Variants in NPRL3 observed in about 807,000 individuals in gnomAD.
NPRL3 encodes the protein GATOR1 complex protein NPRL3.
In NPRL3, 23 loss-of-function variants were observed where a neutral mutation model predicts 57.2. That is an observed-to-expected ratio of 0.40 (90% CI 0.29 to 0.57). NPRL3 has a LOEUF of 0.57. Ranked by LOEUF, NPRL3 falls within the 20% of genes least tolerant of loss-of-function variation. The probability of loss-of-function intolerance (pLI) is 0.42; values close to 1 mark genes in which losing one functional copy is unlikely to be tolerated. For missense variants in NPRL3, 691 were observed against 767.1 expected (o/e 0.90, Z 1.17); for synonymous variants, 333 against 321.1 (o/e 1.04, Z -0.39).
intron 3 of NPRL3, among the ~76,000 whole-genome samples, chr16:121,521 G>A (rs1416804359): frequency 1.3e-5 from 2 of 151,982 alleles, no homozygotes; most frequent in African/African-American, 4.8e-5. Flanking sequence ...TCGGGAGGCT[G>A]AGGCAGGAGA....
At position 89,727 on chromosome 16, in the gene NPRL3, C is replaced by G; in HGVS notation, c.1337G>C (p.Ser446Thr). 6.3e-7 allele frequency: 1 copy of G among 1,582,224 alleles called. No individual in the cohort carries two copies. Among genetic ancestry groups the G allele is most frequent in the Non-Finnish European group, 8.6e-7 (1 of 1,168,932 alleles). The change falls in exon 12 of 14, where the codon AGC (serine) becomes ACC (threonine). Residue 446 changes from serine (S) to threonine (T), a missense_variant. Physicochemically the swap from Ser to Thr is moderately conservative, Grantham distance 58. Coordinates refer to ENST00000611875, the MANE Select transcript of NPRL3 (RefSeq NM_001077350.3). Reference sequence around the variant, plus strand: ...GGGGGTCCTACTTGGGGAGCCAAAGCTGAGGGCGTTGGGCGTGCTGAGGCT... The same window carrying G: ...GGGGGTCCTACTTGGGGAGCCAAAGGTGAGGGCGTTGGGCGTGCTGAGGCT... Reference protein sequence around the residue: ...GRSLSTPNALSFGSPTSSDDM... With the variant: ...GRSLSTPNALTFGSPTSSDDM...
chr16:94,410 A>G (rs1325167063), intron 9 of NPRL3, among the ~76,000 whole-genome samples: 5 of 152,198 alleles, frequency 3.3e-5, no homozygotes, highest in Non-Finnish European at 7.3e-5. Flanking sequence ...CTGCCTGGAC[A>G]CCGTGCTGCC....
chr16:95,323 GTGTATATA>G lies in NPRL3; in HGVS notation c.925-2006_925-1999del, dbSNP rs1320134534. Among the ~76,000 whole-genome samples, 251 of 32,882 alleles carry G rather than the reference GTGTATATA, an allele frequency of 7.6e-3. 5 individuals carry two copies. Among genetic ancestry groups the G allele is most frequent in the African/African-American group, 0.014 (238 of 17,196 alleles). 21.6% of individuals were successfully genotyped at this position (32,882 alleles called of 152,430 possible). Reference sequence around the variant, plus strand: ...ATAATACAAAATAAAATGTTTGTGTGTGTATATATATATATATATATATATATACACAC... The same window carrying G: ...ATAATACAAAATAAAATGTTTGTGTGTATATATATATATATATATACACAC... On this transcript the variant is annotated intron_variant, in intron 9 of 13. Coordinates refer to ENST00000611875, the MANE Select transcript of NPRL3 (RefSeq NM_001077350.3).
chr16:116,454 C>A (rs1393376700), intron 5 of NPRL3, among the ~76,000 whole-genome samples: 1 of 152,152 alleles, frequency 6.6e-6, no homozygotes, highest in Admixed American at 6.5e-5. Context: ...AACCCTGTAC[C>A]CCAGGAGCCA....
chr16:92,772 G>C, intron 10 of NPRL3, 47 bp from the exon 11 acceptor site: 1 of 1,604,828 alleles, frequency 6.2e-7, no homozygotes. Context: ...CCCCCCCACC[G>C]TGTTCTCAAC....
chr16:98,038 GCT>G lies in NPRL3; in HGVS notation c.924+105_924+106del, dbSNP rs540418936. ...CCACCCCATGGTGGGCTGTGCCGCG[GCT>G]CTCAGCTGGACACAGCCCCTGTGGA... On this transcript the variant is annotated intron_variant, in intron 9 of 13. Transcript: ENST00000611875. The G allele has an allele frequency of 1.1e-4, 158 of 1,385,886 alleles. No individual in the cohort carries two copies. The East Asian group carries it at 3.0e-3, about 26-fold the overall frequency. The allele number at this position is 1,385,886 out of a possible 1,614,324, so 85.8% of individuals were successfully genotyped here.
At chr16:134,688 A>ATTT (rs754866010) in intron 2 of NPRL3, among the ~76,000 whole-genome samples, 18 of 101,864 alleles carry the variant, frequency 1.8e-4, no homozygotes, top group African/African-American at 5.9e-4. Context: ...CACAGTAATT[A>ATTT]TTATTATTTT....
Position 119,345 on chromosome 16 carries a change from A to C in NPRL3, c.189-90T>G. ...GGCCCCAGAGCGGAAGGGTCTCAGT[A>C]AACTGCACCTTCATGGAGTTGCTCT... is the stretch of plus-strand genomic sequence containing the variant. On this transcript the variant is annotated intron_variant, in intron 3 of 13. Coordinates refer to ENST00000611875, the MANE Select transcript of NPRL3 (RefSeq NM_001077350.3). The C allele has an allele frequency of 2.3e-6, 3 of 1,302,408 alleles. No individual in the cohort carries two copies. In the Admixed American group the frequency reaches 6.1e-5, roughly 27 times the overall value. 80.7% of individuals were successfully genotyped at this position (1,302,408 alleles called of 1,614,324 possible). A position where few individuals can be genotyped will look rare whatever the true frequency, so the allele number is the denominator to read the frequency against.
At chr16:96,506 C>T (rs1899012153) in intron 9 of NPRL3, among the ~76,000 whole-genome samples, 1 of 151,920 alleles carries the variant, frequency 6.6e-6, no homozygotes, top group Non-Finnish European at 1.5e-5. Flanking sequence ...GAGTCCTGTC[C>T]AGCCCATGAA....
At chr16:117,863 A>G (rs1282885738) in intron 4 of NPRL3, among the ~76,000 whole-genome samples, 1 of 152,238 alleles carries the variant, frequency 6.6e-6, no homozygotes, top group African/African-American at 2.4e-5. Context: ...CTTCACAAGG[A>G]CCAGGGCGCT....
intron 5 of NPRL3, among the ~76,000 whole-genome samples, chr16:116,122 A>G (rs1397052027): frequency 6.6e-6 from 1 of 152,056 alleles, no homozygotes; most frequent in African/African-American, 2.4e-5. Flanking sequence ...GCCTGCCTAC[A>G]GCATCCTGGA....
At chr16:137,262 G>A (rs1901140175) in intron 2 of NPRL3, among the ~76,000 whole-genome samples, 1 of 152,116 alleles carries the variant, frequency 6.6e-6, no homozygotes, top group Non-Finnish European at 1.5e-5. Context: ...CATTCATGAT[G>A]ATGAAAAATC....
intron 8 of NPRL3, among the ~76,000 whole-genome samples, chr16:98,612 G>A (rs778691121): frequency 1.5e-4 from 23 of 152,354 alleles, no homozygotes; most frequent in Non-Finnish European, 2.6e-4. Context: ...CCAAGAGCGG[G>A]ATTTGAGAAA....
chr16:119,344 T>A, intron 3 of NPRL3, 89 bp from the exon 4 acceptor site: 1 of 1,313,340 alleles, frequency 7.6e-7, no homozygotes, highest in Non-Finnish European at 1.1e-6. Flanking sequence ...AGGGTCTCAG[T>A]AAACTGCACC....
chr16:111,768 C>T (rs181913466), intron 6 of NPRL3, among the ~76,000 whole-genome samples: 167 of 152,238 alleles, frequency 1.1e-3, no homozygotes, highest in African/African-American at 2.4e-3. Context: ...TAAATTTGTA[C>T]TGAAAATGCA....
chr16:132,543 G>A (rs958149483), intron 2 of NPRL3, among the ~76,000 whole-genome samples: 8 of 152,142 alleles, frequency 5.3e-5, no homozygotes, highest in African/African-American at 1.9e-4. Context: ...ATTTTGACAT[G>A]ATCACCAATG....
intron 2 of NPRL3, among the ~76,000 whole-genome samples, chr16:130,964 G>T (rs1900762204): frequency 6.6e-6 from 1 of 152,204 alleles, no homozygotes; most frequent in African/African-American, 2.4e-5. Context: ...GGTAATGGCT[G>T]CACACTATAA....
At chr16:91,973 C>T (rs967612805) in intron 11 of NPRL3, among the ~76,000 whole-genome samples, 2 of 152,204 alleles carry the variant, frequency 1.3e-5, no homozygotes, top group Non-Finnish European at 2.9e-5. Flanking sequence ...GCAGGTGCAC[C>T]AGTTCATCCC....
At chr16:99,237 A>G (rs1180859208) in intron 8 of NPRL3, among the ~76,000 whole-genome samples, 1 of 152,234 alleles carries the variant, frequency 6.6e-6, no homozygotes, top group East Asian at 1.9e-4. Context: ...TGTCATTTCC[A>G]AATTTTCAGC....
Sources: gnomAD v4.1 joint callset for allele counts (sites outside exome capture counted in the v4.1 genomes callset) on GRCh38, gnomAD v4.1.1 for gene constraint, MANE v1.5 for transcripts, NCBI Gene and HGNC (gene_info 2026-07-23, HGNC 2026-07-21) for gene names.